Variants in DOK6 observed in about 807,000 individuals in gnomAD.
DOK6 encodes downstream of tyrosine kinase 6.
DOK6 carries 22 observed loss-of-function variants against 44.0 expected under a neutral mutation model. That is an observed-to-expected ratio of 0.50 (90% confidence interval 0.36 to 0.71). The LOEUF (loss-of-function observed/expected upper bound fraction) is 0.71. Ranked by LOEUF, DOK6 falls within the 30% of genes least tolerant of loss-of-function variation. DOK6 has a pLI of 0.00. For synonymous variants in DOK6, 166 were observed against 145.5 expected, an observed-to-expected ratio of 1.14 and a Z score of -1.01; for missense variants, 340 against 416.4, an observed-to-expected ratio of 0.82 and a Z score of 1.60.
chr18:69,567,973 C>G (rs111290693), intron 2 of DOK6, among the ~76,000 whole-genome samples: 1 of 152,226 alleles, frequency 6.6e-6, no homozygotes, highest in Admixed American at 6.5e-5. Context: ...GGCCAGCTCT[C>G]CCTTACAGGG....
chr18:69,565,077 T>A (rs1024150459), intron 2 of DOK6, among the ~76,000 whole-genome samples: 1 of 152,140 alleles, frequency 6.6e-6, no homozygotes, highest in Non-Finnish European at 1.5e-5. Context: ...ATACTTGGAA[T>A]AAAATATCAA....
At chr18:69,787,428 T>C (rs576467832) in intron 7 of DOK6, among the ~76,000 whole-genome samples, 1 of 152,330 alleles carries the variant, frequency 6.6e-6, no homozygotes, top group Admixed American at 6.5e-5. Flanking sequence ...GATTCTCACC[T>C]TGGGTCCACC....
intron 1 of DOK6, among the ~76,000 whole-genome samples, chr18:69,427,826 G>A (rs1244275343): frequency 1.3e-5 from 2 of 150,914 alleles, no homozygotes. Flanking sequence ...CACCCAGGCC[G>A]GAGTACAATG....
At chr18:69,419,354 AAAAT>A (rs1254274749) in intron 1 of DOK6, among the ~76,000 whole-genome samples, 1 of 152,212 alleles carries the variant, frequency 6.6e-6, no homozygotes, top group Non-Finnish European at 1.5e-5. Context: ...TGCAGAATAC[AAAAT>A]AAATAAAGTC....
At chr18:69,628,422 AG>A (rs1984610035) in intron 3 of DOK6, among the ~76,000 whole-genome samples, 1 of 152,178 alleles carries the variant, frequency 6.6e-6, no homozygotes, top group Non-Finnish European at 1.5e-5. Context: ...ACTGGGAGGC[AG>A]AACTTGCAGT....
chr18:69,487,463 T>C (rs1421881425), intron 1 of DOK6, among the ~76,000 whole-genome samples: 2 of 152,160 alleles, frequency 1.3e-5, no homozygotes, highest in East Asian at 3.9e-4. Flanking sequence ...GGAAGGAATC[T>C]GATCTCTGGT....
rs1195131465 is a variant in DOK6, at chr18:69,476,454, CACGGG to C, written c.66+75145_66+75149del. The stretch of plus-strand genomic sequence containing the variant: ...AGAAATCAGAGGGATTCTTGGAAGG[CACGGG>C]TAATCGTCACTTGATCAGTCAGAGT... On this transcript the variant is annotated intron_variant, in intron 1 of 7. Transcript: ENST00000382713. Among the ~76,000 whole-genome samples, 256 of 152,234 alleles carry C rather than the reference CACGGG, an allele frequency of 1.7e-3. 2 individuals are homozygous for C. Among genetic ancestry groups the C allele is most frequent in the East Asian group, 0.012 (64 of 5,184 alleles).
intron 4 of DOK6, among the ~76,000 whole-genome samples, chr18:69,696,764 C>A (rs1986398947): frequency 1.3e-5 from 2 of 152,068 alleles, no homozygotes; most frequent in Non-Finnish European, 2.9e-5. Context: ...ACTACTAATC[C>A]CATTGGAGTG....
chr18:69,599,428 A>G lies in DOK6; in HGVS notation c.219A>G (p.Arg73=), dbSNP rs1399202180. ...HNIKNITRLP[R]ETKKHAVAII... ...TCAAAAATATAACCAGACTGCCCCG[A>G]GAGACAAAGAAGCATGCGGTGGCAA... The change falls in exon 3 of 8, where the codon CGA becomes CGG. Residue 73 remains arginine, a synonymous_variant. Coordinates refer to ENST00000382713, the MANE Select transcript of DOK6 (RefSeq NM_152721.6). The G allele has an allele frequency of 1.9e-6, 3 of 1,614,002 alleles. No homozygotes were observed. In the South Asian group the frequency reaches 3.3e-5, roughly 18 times the overall value.
At chr18:69,635,727 T>C (rs1984790918) in intron 3 of DOK6, among the ~76,000 whole-genome samples, 1 of 152,162 alleles carries the variant, frequency 6.6e-6, no homozygotes. Context: ...GTTGGGATCC[T>C]CAGTAGCCGC....
At chr18:69,462,001 C>T (rs1268619069) in intron 1 of DOK6, among the ~76,000 whole-genome samples, 1 of 152,116 alleles carries the variant, frequency 6.6e-6, no homozygotes, top group East Asian at 1.9e-4. Context: ...GACTACTTTC[C>T]CTTGCATTTT....
At chr18:69,474,472 A>C (rs1384958768) in intron 1 of DOK6, among the ~76,000 whole-genome samples, 1 of 152,204 alleles carries the variant, frequency 6.6e-6, no homozygotes, top group Non-Finnish European at 1.5e-5. Flanking sequence ...TGTTCATTTT[A>C]GACTCATCAG....
rs1982264119 is a variant in DOK6 at position 69,842,916 on chromosome 18, A to G, written c.*1533A>G. 6.6e-6 allele frequency: 1 copy of G among 152,106 alleles called. No homozygotes were observed. Among genetic ancestry groups the G allele is most frequent in the African/African-American group, 2.4e-5 (1 of 41,412 alleles). The allele number at this position is 152,106 out of a possible 1,614,324, so 9.4% of individuals were successfully genotyped here. Reference sequence around the variant, plus strand: ...CAGGTTTTTTTTTTCTTAATAGGAAAATTTTTTAAACTATCCAAATTAGTC... The same window carrying G: ...CAGGTTTTTTTTTTCTTAATAGGAAGATTTTTTAAACTATCCAAATTAGTC... On this transcript the variant is annotated 3_prime_UTR_variant, in exon 8 of 8. Transcript: ENST00000382713.
intron 7 of DOK6, among the ~76,000 whole-genome samples, chr18:69,839,125 G>A (rs1982136075): frequency 8.1e-6 from 1 of 122,994 alleles, no homozygotes; most frequent in Non-Finnish European, 1.7e-5. Flanking sequence ...CGCTCCCCTT[G>A]TCCCTCACCT....
intron 1 of DOK6, among the ~76,000 whole-genome samples, chr18:69,494,490 CAA>C (rs1290189224): frequency 7.5e-6 from 1 of 132,462 alleles, no homozygotes; most frequent in East Asian, 2.0e-4. Flanking sequence ...AACAAACAAA[CAA>C]AAAAAAAGTT....
chr18:69,644,734 A>G (rs1243838378), intron 3 of DOK6, among the ~76,000 whole-genome samples: 1 of 152,186 alleles, frequency 6.6e-6, no homozygotes, highest in African/African-American at 2.4e-5. Flanking sequence ...TTAGCTATTC[A>G]AGACCTGCTG....
intron 2 of DOK6, among the ~76,000 whole-genome samples, chr18:69,574,203 G>A (rs955066665): frequency 6.6e-6 from 1 of 151,978 alleles, no homozygotes; most frequent in African/African-American, 2.4e-5. Context: ...AAATGAAGAT[G>A]CTCTTCTTGT....
At chr18:69,496,780 T>C (rs1288337410) in intron 1 of DOK6, among the ~76,000 whole-genome samples, 1 of 152,210 alleles carries the variant, frequency 6.6e-6, no homozygotes, top group Non-Finnish European at 1.5e-5. Flanking sequence ...TTTAAATCTC[T>C]GCTTCCTCAC....
intron 5 of DOK6, among the ~76,000 whole-genome samples, chr18:69,710,340 A>C (rs1167811234): frequency 6.6e-6 from 1 of 152,248 alleles, no homozygotes; most frequent in Non-Finnish European, 1.5e-5. Context: ...ATTATAGCAC[A>C]AAAGTCCTAC....
Sources: gnomAD v4.1 joint callset for allele counts (sites outside exome capture counted in the v4.1 genomes callset) on GRCh38, gnomAD v4.1.1 for gene constraint, MANE v1.5 for transcripts, NCBI Gene and HGNC (gene_info 2026-07-23, HGNC 2026-07-21) for gene names.